The following OGDH variants were observed in gnomAD, a reference collection of about 807,000 sequenced individuals.
OGDH encodes the protein 2-oxoglutarate dehydrogenase complex component E1.
In OGDH, 38 loss-of-function variants were observed where a neutral mutation model predicts 116.6. That is an observed-to-expected ratio of 0.33 (90% CI 0.25 to 0.43). The LOEUF (loss-of-function observed/expected upper bound fraction) is 0.43. Among genes scored for constraint, OGDH ranks in the 20% least tolerant of loss-of-function variants. OGDH has a pLI of 1.00. For synonymous variants in OGDH, 488 were observed against 533.3 expected, an observed-to-expected ratio of 0.92 and a Z score of 1.17; for missense variants, 825 against 1,357.2, an observed-to-expected ratio of 0.61 and a Z score of 6.16.
In OGDH at chr7:44,707,376, A is replaced by G. The variant is rs112309751; in HGVS notation, c.2784A>G (p.Thr928=). The change falls in exon 21 of 23, where the codon ACA becomes ACG. Residue 928 remains threonine (T), a synonymous_variant. Transcript: ENST00000222673. This position sits in a 1 kb window ranked among gnomAD's most constrained non-coding sequence, Gnocchi z 5.2. Reference sequence around the variant, plus strand: ...ACATGGTGGGGCAGGTGGCCATCACAAGGATTGAGCAGGTGAGGGCAGGTG... The same window carrying G: ...ACATGGTGGGGCAGGTGGCCATCACGAGGATTGAGCAGGTGAGGGCAGGTG... ...ARDMVGQVAI[T]RIEQLSPFPF... 2,745 of 1,614,202 alleles carry G rather than the reference A, an allele frequency of 1.7e-3. 49 individuals carry two copies. In the African/African-American group the frequency reaches 0.029, roughly 17 times the overall value.
At chr7:44,622,030 G>A (rs1206887244) in intron 1 of OGDH, among the ~76,000 whole-genome samples, 1 of 152,144 alleles carries the variant, frequency 6.6e-6, no homozygotes, top group African/African-American at 2.4e-5. Context: ...GGTGTTTTAC[G>A]ATTGTCAGTT....
At chr7:44,644,312 C>T (rs1018119960) in intron 2 of OGDH, among the ~76,000 whole-genome samples, 2 of 152,184 alleles carry the variant, frequency 1.3e-5, no homozygotes, top group African/African-American at 4.8e-5. Context: ...AAACTTGCAT[C>T]TTTGTATGAG....
At chr7:44,623,510 C>T (rs1460565060) in intron 1 of OGDH, among the ~76,000 whole-genome samples, 1 of 152,226 alleles carries the variant, frequency 6.6e-6, no homozygotes, top group East Asian at 1.9e-4. Context: ...ACTTATTCTC[C>T]AATTAATCCT....
Position 44,675,170 on chromosome 7 carries a change from C to T in OGDH, c.936-8C>T, listed in dbSNP as rs375075849. 8.1e-6 allele frequency: 13 copies of T among 1,612,608 alleles called. No individual in the cohort carries two copies. The highest frequency in any genetic ancestry group is 6.7e-5 in the East Asian group (3 of 44,882). ...GCTCTGCTCACCCTACTCGCCCATACGTTCCAGAGGGCGGCTGAACGTGCT... is the reference window on the plus strand; with the variant it reads ...GCTCTGCTCACCCTACTCGCCCATATGTTCCAGAGGGCGGCTGAACGTGCT... On this transcript the variant is annotated splice_region_variant and splice_polypyrimidine_tract_variant and intron_variant, in intron 7 of 22. Transcript: ENST00000222673.
chr7:44,703,084 A>G (rs1788910711), intron 20 of OGDH, among the ~76,000 whole-genome samples: 1 of 152,122 alleles, frequency 6.6e-6, no homozygotes, highest in South Asian at 2.1e-4. Context: ...TGCGAGGTCC[A>G]TCCATGTTGT....
At chr7:44,680,818 T>C (rs1787899740) in intron 9 of OGDH, among the ~76,000 whole-genome samples, 1 of 152,172 alleles carries the variant, frequency 6.6e-6, no homozygotes, top group Admixed American at 6.5e-5. Flanking sequence ...GAGGTGCTCA[T>C]GAATGAAAGA....
At chr7:44,690,252 T>C (rs1788311907) in intron 10 of OGDH, among the ~76,000 whole-genome samples, 2 of 152,204 alleles carry the variant, frequency 1.3e-5, no homozygotes, top group African/African-American at 4.8e-5. Context: ...AAGTTTTGGA[T>C]TCCTCCTCAT....
intron 2 of OGDH, among the ~76,000 whole-genome samples, chr7:44,640,178 C>T (rs890163400): frequency 4.6e-5 from 7 of 152,178 alleles, no homozygotes; most frequent in African/African-American, 1.7e-4. Flanking sequence ...AGCCCAGAAG[C>T]GCCCAGCTCT....
At chr7:44,677,733 G>T (rs1380942920) in intron 9 of OGDH, among the ~76,000 whole-genome samples, 3 of 152,054 alleles carry the variant, frequency 2.0e-5, no homozygotes, top group Admixed American at 6.5e-5. Context: ...AATTAGCCGG[G>T]CATGGTGGCA....
chr7:44,636,858 A>G (rs909765299), intron 2 of OGDH, among the ~76,000 whole-genome samples: 1 of 152,144 alleles, frequency 6.6e-6, no homozygotes, highest in Non-Finnish European at 1.5e-5. Flanking sequence ...GCTGAAATCT[A>G]TCATGTTTAA....
intron 5 of OGDH, among the ~76,000 whole-genome samples, chr7:44,669,687 C>G (rs1787348251): frequency 6.6e-6 from 1 of 152,128 alleles, no homozygotes; most frequent in Non-Finnish European, 1.5e-5. Flanking sequence ...GGCTGCCTCC[C>G]TTTCAGTCCA....
chr7:44,616,798 T>TATATATATAC (rs1554296528), intron 1 of OGDH, among the ~76,000 whole-genome samples: 116 of 102,894 alleles, frequency 1.1e-3, no homozygotes, highest in Middle Eastern at 4.9e-3. Context: ...TATATATGTG[T>TATATATATAC]ATATATATGC....
In OGDH at chr7:44,624,279, C is replaced by T. The variant is rs1015123297; in HGVS notation, c.-27-38C>T. The T allele has an allele frequency of 3.0e-5, 41 of 1,383,078 alleles. No individual in the cohort carries two copies. The East Asian group carries it at 8.8e-4, about 30-fold the overall frequency. The allele number at this position is 1,383,078 out of a possible 1,614,324, so 85.7% of individuals were successfully genotyped here. On this transcript the variant is annotated intron_variant, in intron 1 of 22. Transcript: ENST00000222673. ...GTCTCCTAAATACTCATTTTTAAAA[C>T]CTTTCTTTCTTGTTTTTTTTTTTTT...
intron 9 of OGDH, among the ~76,000 whole-genome samples, chr7:44,680,707 T>C (rs1340229868): frequency 6.6e-6 from 1 of 152,168 alleles, no homozygotes; most frequent in Admixed American, 6.5e-5. Flanking sequence ...CATCCTCTAC[T>C]GGAGGAAGCT....
At chr7:44,657,707 G>A (rs955858853) in intron 4 of OGDH, among the ~76,000 whole-genome samples, 3 of 151,978 alleles carry the variant, frequency 2.0e-5, no homozygotes, top group African/African-American at 7.3e-5. Flanking sequence ...TCTTTCCTTA[G>A]CCCTAGATCC....
intron 9 of OGDH, among the ~76,000 whole-genome samples, chr7:44,680,736 C>G (rs1787895912): frequency 6.6e-6 from 1 of 152,134 alleles, no homozygotes; most frequent in African/African-American, 2.4e-5. Flanking sequence ...AGAGAAACAG[C>G]TGATATTGTC....
chr7:44,671,251 G>C (rs1028072545), intron 5 of OGDH, among the ~76,000 whole-genome samples: 10 of 152,050 alleles, frequency 6.6e-5, no homozygotes, highest in Non-Finnish European at 1.0e-4. Flanking sequence ...TGGTGGGAGG[G>C]GAAGCAAGAG....
chr7:44,611,931 A>G (rs1303446834), intron 1 of OGDH, among the ~76,000 whole-genome samples: 1 of 151,332 alleles, frequency 6.6e-6, no homozygotes, highest in Non-Finnish European at 1.5e-5. Context: ...GTTTTTTTTT[A>G]TTATTATGCT....
chr7:44,700,317 G>C, intron 19 of OGDH, 48 bp downstream of exon 19: 1 of 1,607,436 alleles, frequency 6.2e-7, no homozygotes, highest in Non-Finnish European at 8.5e-7. Flanking sequence ...GCCCTGCCCT[G>C]TTGGTGCAGG....
Sources: gnomAD v4.1 joint callset for allele counts (sites outside exome capture counted in the v4.1 genomes callset) on GRCh38, gnomAD v4.1.1 for gene constraint, Gnocchi (gnomAD v3.1) non-coding constraint, MANE v1.5 for transcripts, NCBI Gene and HGNC (gene_info 2026-07-23, HGNC 2026-07-21) for gene names.